The following PTPN13 variants were observed in gnomAD, a reference collection of about 807,000 sequenced individuals.
The protein encoded by PTPN13 is protein tyrosine phosphatase non-receptor type 13, also known as tyrosine-protein phosphatase non-receptor type 13.
A neutral mutation model predicts 284.0 loss-of-function variants in PTPN13; 191 were observed. The observed-to-expected ratio is 0.67, with a 90% CI of 0.60 to 0.76. The LOEUF (loss-of-function observed/expected upper bound fraction) is 0.76, where lower values mean the gene tolerates loss of function less well. Ranked by LOEUF, PTPN13 falls within the 30% of genes least tolerant of loss-of-function variation. PTPN13 has a pLI of 0.00. For missense variants in PTPN13, 2,797 were observed against 2,939.9 expected (o/e 0.95, Z 1.12); for synonymous variants, 986 against 1,022.3 (o/e 0.96, Z 0.68).
chr4:86,619,009 T>G (rs1167684547), intron 1 of PTPN13, among the ~76,000 whole-genome samples: 4 of 152,108 alleles, frequency 2.6e-5, no homozygotes. Flanking sequence ...CTTGTGCCAG[T>G]TTTCAAAGGG....
intron 38 of PTPN13, 104 bp downstream of exon 38, chr4:86,784,662 G>A: frequency 1.5e-6 from 1 of 682,648 alleles, no homozygotes; most frequent in Non-Finnish European, 2.4e-6. Context: ...TGTTACTGTA[G>A]CTTTAAAGGG....
rs894444879 is a variant in PTPN13, at chr4:86,750,479, C to T, written c.2660C>T (p.Ser887Leu). Residue 887 changes from serine to leucine, a missense_variant, in exon 18 of 48, where the codon TCG (serine) becomes TTG (leucine). Ser to Leu is a moderately radical substitution (Grantham distance 145, BLOSUM62 -2). Coordinates refer to ENST00000411767, the MANE Select transcript of PTPN13 (RefSeq NM_080683.3). ...NQDAQDIERASFRSLNLQAES... is the reference protein window; with the variant it reads ...NQDAQDIERALFRSLNLQAES... ...TCCTATTTCCTTGTAGAGAGAGCTT[C>T]GTTTAGGAGCCTGAATCTCCAAGCA... 3 of 1,611,436 alleles carry T rather than the reference C, an allele frequency of 1.9e-6. No individual in the cohort carries two copies. The highest frequency in any genetic ancestry group is 2.7e-5 in the African/African-American group (2 of 74,832).
At chr4:86,697,388 A>G (rs950870847) in intron 6 of PTPN13, among the ~76,000 whole-genome samples, 3 of 152,116 alleles carry the variant, frequency 2.0e-5, no homozygotes, top group Admixed American at 6.5e-5. Context: ...CCTTATACCT[A>G]GTGATTTAAT....
rs574647243 is a variant in PTPN13, at chr4:86,671,345, A to G, written c.116-1020A>G. Among the ~76,000 whole-genome samples, 37 of 152,284 alleles carry G rather than the reference A, an allele frequency of 2.4e-4. No individual in the cohort carries two copies. The South Asian group carries it at 6.8e-3, about 28-fold the overall frequency. On this transcript the variant is annotated intron_variant, in intron 2 of 47. Transcript: ENST00000411767. ...TCTTATCATTTGACAGAGTGATATCAGTATAATTTATTCAGATTGAATAAT... is the reference window on the plus strand; with the variant it reads ...TCTTATCATTTGACAGAGTGATATCGGTATAATTTATTCAGATTGAATAAT...
chr4:86,624,297 T>C (rs888207867), intron 1 of PTPN13, among the ~76,000 whole-genome samples: 2 of 152,130 alleles, frequency 1.3e-5, no homozygotes, highest in Admixed American at 1.3e-4. Context: ...TACTTATTTG[T>C]TGGTTGCTAA....
At chr4:86,720,452 A>T (rs1405529727) in intron 9 of PTPN13, among the ~76,000 whole-genome samples, 1 of 152,126 alleles carries the variant, frequency 6.6e-6, no homozygotes, top group Non-Finnish European at 1.5e-5. Context: ...CATCTGAGTT[A>T]GATATAGGTT....
intron 2 of PTPN13, among the ~76,000 whole-genome samples, chr4:86,653,711 C>T (rs551202947): frequency 6.6e-6 from 1 of 152,092 alleles, no homozygotes; most frequent in East Asian, 1.9e-4. Context: ...AAGAAGTGAT[C>T]ACAGTGTGTA....
chr4:86,688,894 G>A (rs1729727828), intron 4 of PTPN13, 111 bp from the exon 5 acceptor site: 1 of 734,570 alleles, frequency 1.4e-6, no homozygotes, highest in East Asian at 2.7e-5. Flanking sequence ...TTTCCTCCAA[G>A]TATGTGAAGT....
intron 40 of PTPN13, among the ~76,000 whole-genome samples, chr4:86,787,277 G>C (rs1742041860): frequency 6.6e-6 from 1 of 151,918 alleles, no homozygotes; most frequent in Admixed American, 6.6e-5. Context: ...TTGTAAAAAA[G>C]TTTCCAACAG....
chr4:86,808,893 T>C (rs758206354), intron 45 of PTPN13, among the ~76,000 whole-genome samples: 3 of 152,032 alleles, frequency 2.0e-5, no homozygotes, highest in Non-Finnish European at 4.4e-5. Context: ...ATGAGAAGTA[T>C]GTCGTAATTT....
chr4:86,648,892 A>G (rs561419588), intron 2 of PTPN13, among the ~76,000 whole-genome samples: 1 of 152,188 alleles, frequency 6.6e-6, no homozygotes, highest in Admixed American at 6.5e-5. Flanking sequence ...ACCAACATTT[A>G]TGATTGCCTT....
At chr4:86,687,517 G>C (rs1329824746) in intron 4 of PTPN13, among the ~76,000 whole-genome samples, 1 of 151,774 alleles carries the variant, frequency 6.6e-6, no homozygotes, top group Non-Finnish European at 1.5e-5. Flanking sequence ...AACTAGGTGT[G>C]GTTTTTTCTT....
chr4:86,598,449 T>C (rs574942626), intron 1 of PTPN13, among the ~76,000 whole-genome samples: 1 of 152,318 alleles, frequency 6.6e-6, no homozygotes, highest in Non-Finnish European at 1.5e-5. Context: ...CTGGTCCCTC[T>C]CAAGGTATTT....
Position 86,807,875 on chromosome 4 carries a change from C to T in PTPN13, c.7061C>T (p.Ala2354Val), listed in dbSNP as rs753493377. ...CAGCTGAAGGGCTTTGTGGTGAGGG[C>T]AATGACCCTTGAAGATATTCAGGTA... ...MQQLKGFVVR[A>V]MTLEDIQTRE... The change falls in exon 45 of 48, where the codon GCA (alanine) becomes GTA (valine). Residue 2354 changes from alanine (A) to valine (V), a missense_variant. Coordinates refer to ENST00000411767, the MANE Select transcript of PTPN13 (RefSeq NM_080683.3). 3.1e-6 allele frequency: 5 copies of T among 1,612,792 alleles called. No homozygotes were observed. Among genetic ancestry groups the T allele is most frequent in the Admixed American group, 1.7e-5 (1 of 59,930 alleles).
At chr4:86,811,018 C>T in intron 46 of PTPN13, 28 bp from the exon 47 acceptor site, 1 of 1,599,092 alleles carries the variant, frequency 6.3e-7, no homozygotes, top group Middle Eastern at 1.7e-4. Flanking sequence ...TCCTTTGAAT[C>T]TAACACATAT....
At chr4:86,680,604 TC>T (rs1728798321) in intron 3 of PTPN13, among the ~76,000 whole-genome samples, 1 of 152,162 alleles carries the variant, frequency 6.6e-6, no homozygotes. Context: ...TCCTGACTGT[TC>T]CCTCTGCCAC....
intron 10 of PTPN13, among the ~76,000 whole-genome samples, chr4:86,731,200 A>G (rs1319404514): frequency 6.6e-6 from 1 of 152,082 alleles, no homozygotes; most frequent in Non-Finnish European, 1.5e-5. Context: ...CACACAGACC[A>G]CTTGCTTCTG....
chr4:86,813,423 T>A (rs1390042675), intron 47 of PTPN13, among the ~76,000 whole-genome samples: 2 of 152,210 alleles, frequency 1.3e-5, no homozygotes, highest in Non-Finnish European at 2.9e-5. Flanking sequence ...TCCAAAATAT[T>A]TAAAGACTTA....
intron 10 of PTPN13, among the ~76,000 whole-genome samples, chr4:86,724,799 T>C (rs1734051783): frequency 6.6e-6 from 1 of 152,060 alleles, no homozygotes; most frequent in African/African-American, 2.4e-5. Flanking sequence ...GTGTTTCCCA[T>C]GGCAGACCAC....
Sources: allele counts gnomAD v4.1 joint callset (sites outside exome capture counted in the v4.1 genomes callset), GRCh38; gene constraint gnomAD v4.1.1; transcripts MANE v1.5; gene names NCBI Gene and HGNC (gene_info 2026-07-23, HGNC 2026-07-21).